Variants in THSD4 observed in about 807,000 individuals in gnomAD.
THSD4 encodes thrombospondin type-1 domain-containing protein 4.
In THSD4, 69 loss-of-function variants were observed where a neutral mutation model predicts 119.0. The observed-to-expected ratio is 0.58, with a 90% CI of 0.48 to 0.71. The LOEUF (loss-of-function observed/expected upper bound fraction) is 0.71. Among genes scored for constraint, THSD4 ranks in the 30% least tolerant of loss-of-function variants. THSD4 has a pLI of 0.00. For synonymous variants in THSD4, 524 were observed against 540.4 expected (o/e 0.97, Z 0.42); for missense variants, 1,393 against 1,391.1 (o/e 1.00, Z -0.02).
intron 7 of THSD4, among the ~76,000 whole-genome samples, chr15:71,588,169 G>T (rs1000751816): frequency 1.3e-5 from 2 of 151,726 alleles, no homozygotes; most frequent in African/African-American, 4.8e-5. Context: ...AGCCGGGCGT[G>T]GTAGCGGGCG....
chr15:71,217,044 A>T (rs1214412520), intron 4 of THSD4, among the ~76,000 whole-genome samples: 1 of 152,018 alleles, frequency 6.6e-6, no homozygotes, highest in African/African-American at 2.4e-5. Context: ...TGATCTGCCC[A>T]CCTCGGTCTC....
At chr15:71,561,060 C>T (rs1038741518) in intron 7 of THSD4, among the ~76,000 whole-genome samples, 9 of 151,114 alleles carry the variant, frequency 6.0e-5, no homozygotes, top group Non-Finnish European at 1.0e-4. Flanking sequence ...CTGCAAGCTC[C>T]GCCTCCCGGG....
At chr15:71,167,856 G>C (rs962943490) in intron 3 of THSD4, among the ~76,000 whole-genome samples, 7 of 152,190 alleles carry the variant, frequency 4.6e-5, no homozygotes, top group African/African-American at 1.7e-4. Flanking sequence ...CATTTCTACA[G>C]TGTAAGTTAT....
intron 7 of THSD4, among the ~76,000 whole-genome samples, chr15:71,525,713 A>G (rs1022023348): frequency 1.8e-4 from 28 of 152,248 alleles, no homozygotes; most frequent in African/African-American, 6.5e-4. Context: ...TGTGTCCTAA[A>G]TCATGCTGAA....
chr15:71,107,283 A>G (rs2040277912), intron 1 of THSD4, among the ~76,000 whole-genome samples: 1 of 152,230 alleles, frequency 6.6e-6, no homozygotes, highest in Admixed American at 6.5e-5. Context: ...AAAAGAAACA[A>G]TGTGTTCCTG....
intron 7 of THSD4, among the ~76,000 whole-genome samples, chr15:71,642,472 A>G (rs1371733427): frequency 6.6e-6 from 1 of 152,076 alleles, no homozygotes; most frequent in African/African-American, 2.4e-5. Context: ...AGGACTATAA[A>G]TCATGCTGCT....
chr15:71,679,897 A>G (rs1197943892), intron 8 of THSD4, among the ~76,000 whole-genome samples: 1 of 152,214 alleles, frequency 6.6e-6, no homozygotes, highest in Non-Finnish European at 1.5e-5. Context: ...CTGCTATGTC[A>G]GTGGGCTCTG....
At chr15:71,663,269 A>G (rs2051349421) in intron 8 of THSD4, among the ~76,000 whole-genome samples, 1 of 152,066 alleles carries the variant, frequency 6.6e-6, no homozygotes, top group Non-Finnish European at 1.5e-5. Flanking sequence ...AAAGAAAAAG[A>G]AAAAAGTCAA....
At chr15:71,297,315 C>CTTTTTTTTTTTTTTTTTTTTTTTTT (rs772196153) in intron 6 of THSD4, among the ~76,000 whole-genome samples, 2 of 137,660 alleles carry the variant, frequency 1.5e-5, no homozygotes, top group African/African-American at 2.7e-5. Context: ...CTCTCCTCTT[C>CTTTTTTTTTTTTTTTTTTTTTTTTT]TTTTTTTTGT....
chr15:71,289,086 G>A (rs899886764), intron 6 of THSD4, among the ~76,000 whole-genome samples: 4 of 152,134 alleles, frequency 2.6e-5, no homozygotes, highest in Non-Finnish European at 5.9e-5. Flanking sequence ...TGCTGCCTCA[G>A]GTCCTCTTGA....
chr15:71,714,272 TG>T (rs936633581), intron 8 of THSD4, among the ~76,000 whole-genome samples: 12 of 151,898 alleles, frequency 7.9e-5, no homozygotes, highest in African/African-American at 2.9e-4. Flanking sequence ...TGTTGTGTGT[TG>T]GGGGGGGAGG....
At chr15:71,412,508 C>T (rs2046703169) in intron 7 of THSD4, among the ~76,000 whole-genome samples, 1 of 152,290 alleles carries the variant, frequency 6.6e-6, no homozygotes, top group East Asian at 1.9e-4. Context: ...ACCCTCCTTT[C>T]ATCTACGTAT....
chr15:71,269,466 A>G (rs1167386306), intron 6 of THSD4, among the ~76,000 whole-genome samples: 1 of 152,220 alleles, frequency 6.6e-6, no homozygotes, highest in Non-Finnish European at 1.5e-5. Context: ...ATTAAGAGCT[A>G]TTTATGACAA....
At position 71,601,756 on chromosome 15, in the gene THSD4, C is replaced by T. The variant is rs140936664; in HGVS notation, c.1153-58774C>T. Among the ~76,000 whole-genome samples the T allele has an allele frequency of 1.1e-3, 174 of 152,212 alleles. 1 individual carries two copies. The East Asian group carries it at 0.03, about 26-fold the overall frequency. Reference sequence around the variant, plus strand: ...TCATCTGGTAATGGAAGTTTGGTTGCGAGATCAGAAATCTCTCCTGAAAAT... The same window carrying T: ...TCATCTGGTAATGGAAGTTTGGTTGTGAGATCAGAAATCTCTCCTGAAAAT... On this transcript the variant is annotated intron_variant, in intron 7 of 17. Coordinates refer to ENST00000261862, the MANE Select transcript of THSD4 (RefSeq NM_024817.3).
At chr15:71,197,101 C>T (rs908341) in intron 3 of THSD4, among the ~76,000 whole-genome samples, 70,229 of 152,044 alleles carry the variant, frequency 0.46, 19,666 homozygotes, top group African/African-American at 0.79. Flanking sequence ...AGACCTGGGT[C>T]GCAACGTGCC....
chr15:71,142,274 T>C (rs1340031475), intron 2 of THSD4, among the ~76,000 whole-genome samples: 1 of 151,568 alleles, frequency 6.6e-6, no homozygotes, highest in Non-Finnish European at 1.5e-5. Flanking sequence ...TTTGTGTAGA[T>C]CAGAAAACCA....
At chr15:71,345,055 G>T (rs2045636000) in intron 6 of THSD4, among the ~76,000 whole-genome samples, 1 of 152,084 alleles carries the variant, frequency 6.6e-6, no homozygotes, top group Admixed American at 6.5e-5. Flanking sequence ...AAGTCCAAAA[G>T]GAAACTGTTC....
chr15:71,464,665 A>G (rs1254421647), intron 7 of THSD4, among the ~76,000 whole-genome samples: 4 of 152,064 alleles, frequency 2.6e-5, no homozygotes, highest in African/African-American at 9.7e-5. Context: ...TCATCATCTC[A>G]CCTAGACACT....
intron 7 of THSD4, among the ~76,000 whole-genome samples, chr15:71,609,781 G>T (rs1595784262): frequency 6.6e-6 from 1 of 151,444 alleles, no homozygotes; most frequent in East Asian, 1.9e-4. Context: ...GAACCCAGGA[G>T]GCAGAGCTTG....
Sources: gnomAD v4.1 joint callset for allele counts (sites outside exome capture counted in the v4.1 genomes callset) on GRCh38, gnomAD v4.1.1 for gene constraint, MANE v1.5 for transcripts, NCBI Gene and HGNC (gene_info 2026-07-23, HGNC 2026-07-21) for gene names.